The following NUPR2 variants were observed in gnomAD, a reference collection of about 807,000 sequenced individuals.
NUPR2 encodes the protein nuclear protein 2.
NUPR2 carries 14 observed loss-of-function variants against 7.3 expected under a neutral mutation model. The ratio of observed to expected loss-of-function variants is 1.93; its 90% CI spans 1.27 to 3.01. NUPR2 has a LOEUF of 3.01. Among genes scored for constraint, NUPR2 ranks in the 30% most tolerant of loss-of-function variants. The pLI is 0.00. For synonymous variants in NUPR2, 56 were observed against 59.7 expected, an observed-to-expected ratio of 0.94 and a Z score of 0.29; for missense variants, 162 against 143.7, an observed-to-expected ratio of 1.13 and a Z score of -0.65.
intron 1 of NUPR2, 37 bp downstream of exon 1, chr7:56,115,978 C>T (rs1785543200): frequency 1.5e-5 from 21 of 1,414,070 alleles, no homozygotes; most frequent in Non-Finnish European, 1.9e-5. Context: ...CTAGGGTCCC[C>T]GGGGCACTGG....
chr7:56,115,965 C>G, intron 1 of NUPR2, 50 bp downstream of exon 1: 1 of 1,391,600 alleles, frequency 7.2e-7, no homozygotes, highest in Non-Finnish European at 9.4e-7. Context: ...TGGGGGGACG[C>G]TCCTAGGGTC....
At chr7:56,115,640 TA>T (rs1785537205) in intron 1 of NUPR2, among the ~76,000 whole-genome samples, 1 of 136,722 alleles carries the variant, frequency 7.3e-6, no homozygotes, top group Admixed American at 7.5e-5. Context: ...TATATATATA[TA>T]TATATATTTT....
At chr7:56,115,457 G>T (rs1255220878) in intron 1 of NUPR2, among the ~76,000 whole-genome samples, 8 of 71,242 alleles carry the variant, frequency 1.1e-4, no homozygotes, top group African/African-American at 1.4e-4. Flanking sequence ...GTGTGTGTGT[G>T]TGTGTGTGTG....
chr7:56,116,302 C>A lies in NUPR2; in HGVS notation c.13G>T (p.Ala5Ser). 2 of 1,390,720 alleles carry A rather than the reference C, an allele frequency of 1.4e-6. No individual in the cohort carries two copies. Among genetic ancestry groups the A allele is most frequent in the Non-Finnish European group, 9.4e-7 (1 of 1,068,562 alleles). The allele number at this position is 1,390,720 out of a possible 1,614,324, so 86.1% of individuals were successfully genotyped here. The change falls in exon 1 of 2, where the codon GCA becomes TCA. Residue 5 changes from alanine to serine, a missense_variant. Transcript: ENST00000329309. MEAP[A>S]ERALPRLQAL... ...TGCAGACGTGGAAGCGCCCGCTCTG[C>A]GGGCGCTTCCATCCTGCCCAGGCCT... is the stretch of plus-strand genomic sequence containing the variant.
chr7:56,115,415 A>ACACATATGTATATATATACATATG (rs60601611), intron 1 of NUPR2, among the ~76,000 whole-genome samples: 6 of 52,212 alleles, frequency 1.1e-4, no homozygotes, highest in Admixed American at 2.3e-4. Flanking sequence ...ATATATATAT[A>ACACATATGTATATATATACATATG]TATATATATA....
chr7:56,115,429 T>TATATATACGTATATACA (rs1554376538), intron 1 of NUPR2, among the ~76,000 whole-genome samples: 1 of 31,000 alleles, frequency 3.2e-5, no homozygotes, highest in Non-Finnish European at 5.4e-5. Flanking sequence ...ATATATATAT[T>TATATATACGTATATACA]TGTGTGTGTG....
chr7:56,115,417 A>ATGTATATATACATATG (rs1476049819), intron 1 of NUPR2, among the ~76,000 whole-genome samples: 1 of 21,364 alleles, frequency 4.7e-5, no homozygotes, highest in Non-Finnish European at 7.8e-5. Flanking sequence ...ATATATATAT[A>ATGTATATATACATATG]TATATATATA....
At chr7:56,115,429 T>TATATATATATATACA (rs1554376538) in intron 1 of NUPR2, among the ~76,000 whole-genome samples, 1 of 30,988 alleles carries the variant, frequency 3.2e-5, no homozygotes, top group Non-Finnish European at 5.4e-5. Context: ...ATATATATAT[T>TATATATATATATACA]TGTGTGTGTG....
chr7:56,115,429 T>TATATATACGTATATATATATA (rs1554376538), intron 1 of NUPR2, among the ~76,000 whole-genome samples: 4 of 30,996 alleles, frequency 1.3e-4, no homozygotes, highest in Admixed American at 4.8e-4. Context: ...ATATATATAT[T>TATATATACGTATATATATATA]TGTGTGTGTG....
At chr7:56,115,433 G>T (rs1411895145) in intron 1 of NUPR2, among the ~76,000 whole-genome samples, 9 of 11,740 alleles carry the variant, frequency 7.7e-4, no homozygotes, top group African/African-American at 2.0e-3. Context: ...ATATATTTGT[G>T]TGTGTGTGTG....
chr7:56,116,360 G>A lies in NUPR2; in HGVS notation c.-46C>T. The A allele has an allele frequency of 8.1e-7, 1 of 1,228,340 alleles. No homozygotes were observed. Among genetic ancestry groups the A allele is most frequent in the Non-Finnish European group, 1.1e-6 (1 of 944,510 alleles). 76.1% of individuals were successfully genotyped at this position (1,228,340 alleles called of 1,614,324 possible). A position where few individuals can be genotyped will look rare whatever the true frequency, so the allele number is the denominator to read the frequency against. On this transcript the variant is annotated 5_prime_UTR_variant, in exon 1 of 2. Transcript: ENST00000329309. The stretch of plus-strand genomic sequence containing the variant: ...CCGGCGGCCACCTGCCCGCGTCTGG[G>A]CGCTCCTGGAAGACCCAGCAGCCCC...
Position 56,116,351 on chromosome 7 carries a change from C to G in NUPR2, c.-37G>C, listed in dbSNP as rs1035632610. On this transcript the variant is annotated 5_prime_UTR_variant, in exon 1 of 2. Coordinates refer to ENST00000329309, the MANE Select transcript of NUPR2 (RefSeq NM_001145712.2). ...CTGTGGCCACCGGCGGCCACCTGCCCGCGTCTGGGCGCTCCTGGAAGACCC... is the reference window on the plus strand; with the variant it reads ...CTGTGGCCACCGGCGGCCACCTGCCGGCGTCTGGGCGCTCCTGGAAGACCC... 2.4e-6 allele frequency: 3 copies of G among 1,257,366 alleles called. No individual in the cohort carries two copies. 77.9% of individuals were successfully genotyped at this position (1,257,366 alleles called of 1,614,324 possible).
chr7:56,116,014 C>T lies in NUPR2; in HGVS notation c.*6+1G>A, dbSNP rs1270831732. ...TTGGGGGAGGTGTTGGGCGCACGTACCCAGGCTCAGGTGAGGCGAGTGCGC... is the reference window on the plus strand; with the variant it reads ...TTGGGGGAGGTGTTGGGCGCACGTATCCAGGCTCAGGTGAGGCGAGTGCGC... On this transcript the variant is annotated splice_donor_variant, in intron 1 of 1. Coordinates refer to ENST00000329309, the MANE Select transcript of NUPR2 (RefSeq NM_001145712.2). LOFTEE classifies it low-confidence loss of function (3UTR_SPLICE). 1.4e-6 allele frequency: 2 copies of T among 1,457,396 alleles called. No individual in the cohort carries two copies. Among genetic ancestry groups the T allele is most frequent in the African/African-American group, 1.5e-5 (1 of 68,174 alleles). 90.3% of individuals were successfully genotyped at this position (1,457,396 alleles called of 1,614,324 possible).
At position 56,116,177 on chromosome 7, in the gene NUPR2, C is replaced by T. The variant is rs760496494; in HGVS notation, c.138G>A (p.Gly46=). Residue 46 remains glycine, a synonymous_variant, in exon 1 of 2, where the codon GGG becomes GGA. Coordinates refer to ENST00000329309, the MANE Select transcript of NUPR2 (RefSeq NM_001145712.2). The part of the protein sequence containing the change: ...YLRDFPACGA[G]RSKGRTRREQ... Reference sequence around the variant, plus strand: ...CGCGCCGAGTCCGGCCCTTGCTGCGCCCTGCCCCGCAGGCCGGGAAGTCGC... The same window carrying T: ...CGCGCCGAGTCCGGCCCTTGCTGCGTCCTGCCCCGCAGGCCGGGAAGTCGC... 1.2e-5 allele frequency: 18 copies of T among 1,548,628 alleles called. No homozygotes were observed. In the African/African-American group the frequency reaches 2.5e-4, roughly 21 times the overall value.
At chr7:56,115,454 TG>T (rs1785532310) in intron 1 of NUPR2, among the ~76,000 whole-genome samples, 1 of 97,634 alleles carries the variant, frequency 1.0e-5, no homozygotes, top group Non-Finnish European at 2.0e-5. Context: ...TGTGTGTGTG[TG>T]TGTGTGTGTG....
rs1562891869 is a variant in NUPR2, at chr7:56,115,430, T to TATAC, written c.*7-534_*7-533insGTAT. Among the ~76,000 whole-genome samples the TATAC allele has an allele frequency of 2.4e-3, 43 of 18,242 alleles. 3 individuals carry two copies. Among genetic ancestry groups the TATAC allele is most frequent in the Non-Finnish European group, 3.7e-3 (39 of 10,508 alleles). 12.0% of individuals were successfully genotyped at this position (18,242 alleles called of 152,430 possible). On this transcript the variant is annotated intron_variant, in intron 1 of 1. Transcript: ENST00000329309. ...ATATATATATATATATATATATATTTGTGTGTGTGTGTGTGTGTGTGTGTG... is the reference window on the plus strand; with the variant it reads ...ATATATATATATATATATATATATTTATACGTGTGTGTGTGTGTGTGTGTGTGTG...
In NUPR2 at chr7:56,116,343, C is replaced by T; in HGVS notation, c.-29G>A. On this transcript the variant is annotated 5_prime_UTR_variant, in exon 1 of 2. Coordinates refer to ENST00000329309, the MANE Select transcript of NUPR2 (RefSeq NM_001145712.2). Reference sequence around the variant, plus strand: ...GCCCAGGCCTGTGGCCACCGGCGGCCACCTGCCCGCGTCTGGGCGCTCCTG... The same window carrying T: ...GCCCAGGCCTGTGGCCACCGGCGGCTACCTGCCCGCGTCTGGGCGCTCCTG... 1 of 1,310,832 alleles carries T rather than the reference C, an allele frequency of 7.6e-7. No homozygotes were observed. The highest frequency in any genetic ancestry group is 9.8e-7 in the Non-Finnish European group (1 of 1,017,418). 81.2% of individuals were successfully genotyped at this position (1,310,832 alleles called of 1,614,324 possible). A position where few individuals can be genotyped will look rare whatever the true frequency, so the allele number is the denominator to read the frequency against.
At chr7:56,115,938 C>G in intron 1 of NUPR2, 77 bp downstream of exon 1, 1 of 1,290,094 alleles carries the variant, frequency 7.8e-7, no homozygotes, top group Non-Finnish European at 1.0e-6. Context: ...CTGCCCAGGG[C>G]GAGCAGCGCC....
rs1459727661 is a variant in NUPR2 at position 56,116,134 on chromosome 7, T to A, written c.181A>T (p.Asn61Tyr). The A allele has an allele frequency of 1.3e-6, 2 of 1,545,976 alleles. No homozygotes were observed. The highest frequency in any genetic ancestry group is 2.4e-5 in the South Asian group (2 of 83,516). Residue 61 changes from asparagine to tyrosine, a missense_variant, in exon 1 of 2, where the codon AAC (asparagine) becomes TAC (tyrosine). By Grantham distance (143) the Asn-to-Tyr change is moderately radical. Transcript: ENST00000329309. Reference protein sequence around the residue: ...RTRREQALRTNWPAPGGHERK... With the variant: ...RTRREQALRTYWPAPGGHERK... ...TCGTGCCCGCCAGGTGCAGGCCAGT[T>A]GGTGCGCAGCGCCTGCTCGCGCCGA...
Sources: allele counts gnomAD v4.1 joint callset (sites outside exome capture counted in the v4.1 genomes callset), GRCh38; gene constraint gnomAD v4.1.1; transcripts MANE v1.5; gene names NCBI Gene and HGNC (gene_info 2026-07-23, HGNC 2026-07-21).